Variants in TRPM7 observed in about 807,000 individuals in gnomAD.
TRPM7 encodes the protein transient receptor potential cation channel subfamily M member 7, also known as LTRPC ion channel family member 7.
In TRPM7, 134 loss-of-function variants were observed where a neutral mutation model predicts 229.7. The observed-to-expected ratio is 0.58, with a 90% CI of 0.51 to 0.67. TRPM7 has a LOEUF of 0.67. Among genes scored for constraint, TRPM7 ranks in the 30% least tolerant of loss-of-function variants. The pLI, the probability that TRPM7 is intolerant of heterozygous loss-of-function variation, is 0.00. For synonymous variants in TRPM7, 699 were observed against 715.2 expected (o/e 0.98, Z 0.36); for missense variants, 1,901 against 2,210.0 (o/e 0.86, Z 2.80).
rs550447095 is a variant in TRPM7, at chr15:50,647,819, G to A, written c.321+868C>T. ...ATCCACGTTTATGGTTTCAACCAAC[G>A]GTGAATCAAATATATTCAAGAAAAA... On this transcript the variant is annotated intron_variant, in intron 4 of 38. Transcript: ENST00000646667. Among the ~76,000 whole-genome samples the A allele has an allele frequency of 3.9e-4, 59 of 152,236 alleles. No individual in the cohort carries two copies. The South Asian group carries it at 8.5e-3, about 22-fold the overall frequency.
chr15:50,679,814 C>A (rs2062203613), intron 1 of TRPM7, among the ~76,000 whole-genome samples: 1 of 151,834 alleles, frequency 6.6e-6, no homozygotes, highest in Non-Finnish European at 1.5e-5. Flanking sequence ...GGATTACAGG[C>A]AAGAGCCACC....
chr15:50,572,037 C>T (rs571205647), intron 36 of TRPM7, among the ~76,000 whole-genome samples: 1 of 152,304 alleles, frequency 6.6e-6, no homozygotes, highest in East Asian at 1.9e-4. Context: ...GGCTCATGCC[C>T]GTAATCCTAG....
Position 50,607,092 on chromosome 15 carries a change from G to A in TRPM7, c.2709+108C>T, listed in dbSNP as rs1218419427. ...TACACAGGTTCTACACTTCTACAATGTCATCATACACACACACACCCCCCT... is the reference window on the plus strand; with the variant it reads ...TACACAGGTTCTACACTTCTACAATATCATCATACACACACACACCCCCCT... On this transcript the variant is annotated intron_variant, in intron 20 of 38. Transcript: ENST00000646667. 4.2e-6 allele frequency: 4 copies of A among 942,662 alleles called. No individual in the cohort carries two copies. In the African/African-American group the frequency reaches 6.7e-5, roughly 16 times the overall value. 58.4% of individuals were successfully genotyped at this position (942,662 alleles called of 1,614,324 possible).
chr15:50,592,680 T>C, intron 25 of TRPM7, 54 bp from the exon 26 acceptor site: 1 of 1,257,328 alleles, frequency 8.0e-7, no homozygotes, highest in Non-Finnish European at 1.1e-6. Context: ...ATGTAGAATT[T>C]TATTTTGTAG....
At chr15:50,659,806 T>C (rs1205046100) in intron 2 of TRPM7, among the ~76,000 whole-genome samples, 1 of 152,100 alleles carries the variant, frequency 6.6e-6, no homozygotes, top group Admixed American at 6.6e-5. Flanking sequence ...TAGCTGGGAT[T>C]ACAAGTGCCC....
intron 1 of TRPM7, among the ~76,000 whole-genome samples, chr15:50,667,276 G>A (rs2140941381): frequency 6.6e-6 from 1 of 152,214 alleles, no homozygotes; most frequent in Middle Eastern, 3.4e-3. Flanking sequence ...TTCCTCCAAG[G>A]GCTCTACCTT....
chr15:50,602,234 G>A (rs1297060155), intron 21 of TRPM7, among the ~76,000 whole-genome samples: 1 of 152,138 alleles, frequency 6.6e-6, no homozygotes, highest in Non-Finnish European at 1.5e-5. Context: ...TTCTTTGCAG[G>A]AACATGGATG....
intron 11 of TRPM7, among the ~76,000 whole-genome samples, chr15:50,625,715 T>C (rs8037161): frequency 0.08 from 12,115 of 152,268 alleles, 575 homozygotes; most frequent in South Asian, 0.12. Flanking sequence ...TTTAAGTATA[T>C]ACTGATGAAA....
intron 7 of TRPM7, 67 bp from the exon 8 acceptor site, chr15:50,634,623 A>T (rs958772857): frequency 8.4e-7 from 1 of 1,188,366 alleles, no homozygotes; most frequent in Non-Finnish European, 1.1e-6. Context: ...AAGAAAAAAA[A>T]ATTAGGCAAA....
At chr15:50,618,549 G>A (rs899057574) in intron 13 of TRPM7, among the ~76,000 whole-genome samples, 7 of 151,360 alleles carry the variant, frequency 4.6e-5, no homozygotes, top group South Asian at 2.1e-4. Flanking sequence ...CAGCCTGGGC[G>A]ACAGAGCAAG....
At chr15:50,573,078 G>A (rs927661554) in intron 36 of TRPM7, among the ~76,000 whole-genome samples, 1 of 152,078 alleles carries the variant, frequency 6.6e-6, no homozygotes, top group African/African-American at 2.4e-5. Context: ...TCATATATAT[G>A]AAAGTCTTTT....
intron 28 of TRPM7, among the ~76,000 whole-genome samples, chr15:50,585,217 G>T (rs1029829918): frequency 1.3e-5 from 2 of 151,816 alleles, no homozygotes; most frequent in Non-Finnish European, 2.9e-5. Context: ...GCCCGCCACC[G>T]CGCCCGGCTA....
At chr15:50,600,620 TTAAAA>T (rs962712667) in intron 21 of TRPM7, among the ~76,000 whole-genome samples, 5 of 152,136 alleles carry the variant, frequency 3.3e-5, no homozygotes, top group African/African-American at 9.7e-5. Context: ...TAATGACAAC[TTAAAA>T]TAAATTATGA....
intron 1 of TRPM7, among the ~76,000 whole-genome samples, chr15:50,670,120 C>A (rs2061957948): frequency 6.6e-6 from 1 of 152,092 alleles, no homozygotes; most frequent in Non-Finnish European, 1.5e-5. Context: ...CTATCACGGA[C>A]ACAAGAGACC....
chr15:50,643,247 C>T, intron 5 of TRPM7, 93 bp downstream of exon 5: 1 of 1,016,462 alleles, frequency 9.8e-7, no homozygotes, highest in Non-Finnish European at 1.5e-6. Flanking sequence ...CGAGATTGTG[C>T]CATTGCACTC....
chr15:50,681,718 A>AG (rs2062242751), intron 1 of TRPM7, among the ~76,000 whole-genome samples: 1 of 152,230 alleles, frequency 6.6e-6, no homozygotes, highest in Non-Finnish European at 1.5e-5. Flanking sequence ...CCAAAGGTTA[A>AG]GGTTTCCAGA....
At chr15:50,601,596 C>T (rs934648720) in intron 21 of TRPM7, among the ~76,000 whole-genome samples, 10 of 151,924 alleles carry the variant, frequency 6.6e-5, no homozygotes, top group Admixed American at 2.0e-4. Flanking sequence ...GAGCACAGAT[C>T]GCGCCACTGA....
intron 1 of TRPM7, among the ~76,000 whole-genome samples, chr15:50,672,728 G>A (rs1221600861): frequency 1.5e-4 from 23 of 151,640 alleles, no homozygotes. Context: ...TGATCAATGT[G>A]GTGAAACCCC....
intron 33 of TRPM7, 129 bp downstream of exon 33, chr15:50,575,595 G>T: frequency 1.3e-6 from 1 of 791,868 alleles, no homozygotes; most frequent in Non-Finnish European, 2.0e-6. Context: ...CCTTGTGGTA[G>T]TCAGATTAAT....
Sources: gnomAD v4.1 joint callset for allele counts (sites outside exome capture counted in the v4.1 genomes callset) on GRCh38, gnomAD v4.1.1 for gene constraint, MANE v1.5 for transcripts, NCBI Gene and HGNC (gene_info 2026-07-23, HGNC 2026-07-21) for gene names.